CEP104: variants seen among roughly 807,000 people sequenced by gnomAD.
The protein encoded by CEP104 is centrosomal protein 104.
Under a neutral mutation model 113.3 loss-of-function variants are expected in CEP104, and 84 were observed. The observed-to-expected ratio is 0.74, with a 90% CI of 0.62 to 0.89. CEP104 has a LOEUF of 0.89. CEP104 is among the 40% of genes least tolerant of loss of function. The pLI, the probability that CEP104 is intolerant of heterozygous loss-of-function variation, is 0.00. For missense variants in CEP104, 1,053 were observed against 1,156.6 expected (o/e 0.91, Z 1.30); for synonymous variants, 378 against 421.7 (o/e 0.90, Z 1.27).
chr1:3,844,464 C>T (rs1304070514), intron 6 of CEP104, among the ~76,000 whole-genome samples: 2 of 152,076 alleles, frequency 1.3e-5, no homozygotes, highest in African/African-American at 4.8e-5. Flanking sequence ...TGCCACTGCA[C>T]TCCAGCCTGG....
chr1:3,825,794 G>C lies in CEP104; in HGVS notation c.2328C>G (p.His776Gln). Residue 776 changes from histidine to glutamine, a missense_variant, in exon 18 of 22, where the codon CAC (histidine) becomes CAG (glutamine). His to Gln is a conservative substitution (Grantham distance 24, BLOSUM62 0). Transcript: ENST00000378230. ...GGTCACATCTTGTCAGCATGAGACA[G>C]TGCTTCCAGTAGTGGAGATCCAGAC... is the stretch of plus-strand genomic sequence containing the variant. ...EEGLDLHYWK[H>Q]CLMLTRCDHC... 1 of 1,613,992 alleles carries C rather than the reference G, an allele frequency of 6.2e-7. No homozygotes were observed. The highest frequency in any genetic ancestry group is 8.5e-7 in the Non-Finnish European group (1 of 1,179,818).
At chr1:3,850,676 G>A (rs965053346) in intron 2 of CEP104, among the ~76,000 whole-genome samples, 1 of 152,156 alleles carries the variant, frequency 6.6e-6, no homozygotes, top group Non-Finnish European at 1.5e-5. Flanking sequence ...ATCCTCCTTT[G>A]TCTTTCTGCG....
intron 1 of CEP104, among the ~76,000 whole-genome samples, chr1:3,855,071 C>T (rs959642788): frequency 6.6e-6 from 1 of 151,396 alleles, no homozygotes; most frequent in Non-Finnish European, 1.5e-5. Flanking sequence ...GGGGTTTCAC[C>T]ATGTTGGCCA....
At chr1:3,838,783 C>T (rs753077820) in intron 8 of CEP104, among the ~76,000 whole-genome samples, 181 bp downstream of exon 8, 11 of 152,234 alleles carry the variant, frequency 7.2e-5, no homozygotes, top group Admixed American at 2.6e-4. Context: ...CCTGAAAGAA[C>T]ATGCTGAGGC....
chr1:3,828,295 C>T (rs1364986197), intron 15 of CEP104, among the ~76,000 whole-genome samples: 5 of 152,292 alleles, frequency 3.3e-5, no homozygotes, highest in East Asian at 1.9e-4. Flanking sequence ...ACTGAGCACA[C>T]GAGTCATCCA....
intron 1 of CEP104, among the ~76,000 whole-genome samples, chr1:3,856,681 C>T (rs964914679): frequency 3.3e-5 from 5 of 152,192 alleles, no homozygotes; most frequent in Admixed American, 1.3e-4. Flanking sequence ...CTGAGCTCCC[C>T]GGCATACGGC....
At chr1:3,834,598 C>A (rs1332913459) in intron 11 of CEP104, among the ~76,000 whole-genome samples, 1 of 152,218 alleles carries the variant, frequency 6.6e-6, no homozygotes, top group Non-Finnish European at 1.5e-5. Flanking sequence ...AGGTTTCATG[C>A]AAAGTGAAAA....
At chr1:3,829,664 G>T in intron 14 of CEP104, 127 bp downstream of exon 14, 1 of 1,021,456 alleles carries the variant, frequency 9.8e-7, no homozygotes. Context: ...TTCTTTCTTA[G>T]CCAGGACGCC....
At position 3,829,983 on chromosome 1, in the gene CEP104, G is replaced by A. The variant is rs150585805; in HGVS notation, c.1851C>T (p.Ala617=). ...GGACCTCATACACTCTATGCTCCAG[G>A]GCACTCACTGAAAACTAAAGTTGGG... The part of the protein sequence containing the change: ...IDNVMKFSVS[A]LEHRVYEVRE... The change falls in exon 14 of 22, where the codon GCC becomes GCT. Residue 617 remains alanine (A), a synonymous_variant. Coordinates refer to ENST00000378230, the MANE Select transcript of CEP104 (RefSeq NM_014704.4). The A allele has an allele frequency of 2.2e-4, 351 of 1,613,560 alleles. No individual in the cohort carries two copies. The highest frequency in any genetic ancestry group is 2.8e-4 in the Non-Finnish European group (333 of 1,179,722).
intron 20 of CEP104, among the ~76,000 whole-genome samples, chr1:3,818,869 T>C (rs1472456814): frequency 6.6e-6 from 1 of 152,236 alleles, no homozygotes; most frequent in African/African-American, 2.4e-5. Context: ...CTAATTGAAT[T>C]GATCTGCCTC....
Position 3,829,804 on chromosome 1 carries a change from T to A in CEP104, c.2030A>T (p.Asp677Val), listed in dbSNP as rs775994316. 6.8e-6 allele frequency: 11 copies of A among 1,614,052 alleles called. No individual in the cohort carries two copies. Among genetic ancestry groups the A allele is most frequent in the African/African-American group, 5.3e-5 (4 of 74,938 alleles). The change falls in exon 14 of 22, where the codon GAT becomes GTT. Residue 677 changes from aspartate (D) to valine (V), a missense_variant. Transcript: ENST00000378230. ...GFAKIDGRAT[D>V]AEMRARRKAA... is the part of the protein sequence containing the mutation. ...AAGTTAACTCACCCTCATCTCAGCA[T>A]CTGTAGCTCTGCCATCTATTTTAGC...
intron 11 of CEP104, among the ~76,000 whole-genome samples, chr1:3,834,557 A>C (rs182578401): frequency 6.6e-6 from 1 of 152,234 alleles, no homozygotes; most frequent in South Asian, 2.1e-4. Flanking sequence ...CCCATTCAGC[A>C]TTAGAAAAAA....
chr1:3,832,886 G>A (rs1458250183), intron 12 of CEP104, among the ~76,000 whole-genome samples: 1 of 152,024 alleles, frequency 6.6e-6, no homozygotes, highest in Non-Finnish European at 1.5e-5. Flanking sequence ...TCACTATGTT[G>A]GCCAGGCTGG....
chr1:3,847,636 A>G, intron 3 of CEP104, 23 bp from the exon 4 acceptor site: 1 of 1,613,868 alleles, frequency 6.2e-7, no homozygotes, highest in Non-Finnish European at 8.5e-7. Context: ...ACACAACTGA[A>G]GAATTTGAAA....
chr1:3,814,370 ATGG>A lies in CEP104; in HGVS notation c.*1029_*1031del, dbSNP rs1643841086. The A allele has an allele frequency of 6.6e-6, 1 of 152,222 alleles. No individual in the cohort carries two copies. The highest frequency in any genetic ancestry group is 2.4e-5 in the African/African-American group (1 of 41,452). 9.4% of individuals were successfully genotyped at this position (152,222 alleles called of 1,614,324 possible). On this transcript the variant is annotated 3_prime_UTR_variant, in exon 22 of 22. Transcript: ENST00000378230. ...CCCCAGCTCACTCCCACAGGAGGGG[ATGG>A]CTGGTTAGGAGACTGTTTTTTGAGG...
rs1269736170 is a variant in CEP104 at position 3,836,567 on chromosome 1, C to T, written c.1245G>A (p.Gly415=). 1.9e-6 allele frequency: 3 copies of T among 1,611,494 alleles called. No homozygotes were observed. ...CCTTCTCGGTTAAGGGCTCTGGCTC[C>T]CCTAACATGCCTCCCCTCCGAGCAT... is the stretch of plus-strand genomic sequence containing the variant. ...ISDARRGGML[G]EPEPLTEKAL... Residue 415 remains glycine (G), a synonymous_variant, in exon 10 of 22, where the codon GGG becomes GGA. Coordinates refer to ENST00000378230, the MANE Select transcript of CEP104 (RefSeq NM_014704.4).
intron 9 of CEP104, 134 bp from the exon 10 acceptor site, chr1:3,836,826 C>A: frequency 3.0e-6 from 2 of 674,742 alleles, no homozygotes; most frequent in Non-Finnish European, 2.5e-6. Flanking sequence ...ATATCAGTAT[C>A]ATCAGATTAG....
intron 8 of CEP104, 33 bp from the exon 9 acceptor site, chr1:3,837,552 T>A: frequency 6.5e-7 from 1 of 1,544,922 alleles, no homozygotes; most frequent in South Asian, 1.1e-5. Context: ...TAATTTCAAA[T>A]GCCACTGCCA....
rs770699239 is a variant in CEP104 at position 3,843,274 on chromosome 1, C to T, written c.566+1633G>A. ...GAGAGGGTGACCGAGGATGGCACAGCGGGGCCCTTTAGCTCCCCAAAAGTG... is the reference window on the plus strand; with the variant it reads ...GAGAGGGTGACCGAGGATGGCACAGTGGGGCCCTTTAGCTCCCCAAAAGTG... On this transcript the variant is annotated intron_variant, in intron 6 of 21. Coordinates refer to ENST00000378230, the MANE Select transcript of CEP104 (RefSeq NM_014704.4). 2.2e-5 allele frequency: 15 copies of T among 695,940 alleles called. 1 individual carries two copies. The Middle Eastern group carries it at 1.1e-3, about 49-fold the overall frequency. 43.1% of individuals were successfully genotyped at this position (695,940 alleles called of 1,614,324 possible).
Sources: allele counts gnomAD v4.1 joint callset (sites outside exome capture counted in the v4.1 genomes callset), GRCh38; gene constraint gnomAD v4.1.1; transcripts MANE v1.5; gene names NCBI Gene and HGNC (gene_info 2026-07-23, HGNC 2026-07-21).